The following LIPC variants were observed in gnomAD, a reference collection of about 807,000 sequenced individuals.
LIPC encodes hepatic triacylglycerol lipase.
In LIPC, 44 loss-of-function variants were observed where a neutral mutation model predicts 50.7. That is an observed-to-expected ratio of 0.87 (90% CI 0.68 to 1.11). LIPC has a LOEUF of 1.11. Ranked by LOEUF, LIPC falls within the 50% of genes most tolerant of loss-of-function variation. The pLI is 0.00. For synonymous variants in LIPC, 271 were observed against 256.4 expected (o/e 1.06, Z -0.54); for missense variants, 697 against 648.2 (o/e 1.08, Z -0.82).
chr15:58,472,270 CAAAAAAAAAAAA>C lies in LIPC; in HGVS notation c.88+40162_88+40173del, dbSNP rs35901617. Among the ~76,000 whole-genome samples the C allele has an allele frequency of 3.9e-4, 34 of 87,652 alleles. 1 individual carries two copies. The highest frequency in any genetic ancestry group is 4.1e-4 in the South Asian group (1 of 2,440). 57.5% of individuals were successfully genotyped at this position (87,652 alleles called of 152,430 possible). A position where few individuals can be genotyped will look rare whatever the true frequency, so the allele number is the denominator to read the frequency against. On this transcript the variant is annotated intron_variant, in intron 1 of 8. Coordinates refer to ENST00000299022, the MANE Select transcript of LIPC (RefSeq NM_000236.3). ...TGGGCAACAGAGTGACATTTGGTCT[CAAAAAAAAAAAA>C]AAAAAAAAAAAGAAATCTTAGCAGG...
chr15:58,546,950 C>T (rs769265760), intron 5 of LIPC, among the ~76,000 whole-genome samples: 1 of 151,750 alleles, frequency 6.6e-6, no homozygotes, highest in Admixed American at 6.6e-5. Flanking sequence ...CCACCTCCCC[C>T]ACTCCAACAC....
intron 1 of LIPC, among the ~76,000 whole-genome samples, chr15:58,513,130 C>G: frequency 6.6e-6 from 1 of 152,130 alleles, no homozygotes; most frequent in Non-Finnish European, 1.5e-5. Flanking sequence ...CCCTAGGTTC[C>G]GCTCAGCACA....
intron 3 of LIPC, 88 bp downstream of exon 3, chr15:58,542,055 A>G: frequency 1.4e-6 from 2 of 1,411,744 alleles, no homozygotes; most frequent in South Asian, 2.5e-5. Flanking sequence ...CTCCAACAGC[A>G]GCCCAGGCAG....
chr15:58,535,053 T>A (rs1215241163), intron 1 of LIPC, among the ~76,000 whole-genome samples: 1 of 152,216 alleles, frequency 6.6e-6, no homozygotes, highest in African/African-American at 2.4e-5. Flanking sequence ...AGAGCCCCAC[T>A]TTCTTTAACA....
intron 1 of LIPC, among the ~76,000 whole-genome samples, chr15:58,446,477 T>C (rs568156964): frequency 1.3e-5 from 2 of 152,324 alleles, no homozygotes; most frequent in Admixed American, 6.5e-5. Context: ...TAGTTGTTGA[T>C]AGCGTTTTTC....
intron 1 of LIPC, among the ~76,000 whole-genome samples, chr15:58,513,710 C>T (rs1218086085): frequency 2.0e-5 from 3 of 152,180 alleles, no homozygotes; most frequent in African/African-American, 4.8e-5. Flanking sequence ...TGCCACACTG[C>T]CTCAAAGCAA....
Position 58,542,609 on chromosome 15 carries a change from G to A in LIPC, c.532G>A (p.Gly178Ser), listed in dbSNP as rs753168442. ...GGGTGCACACGTGTCAGGATTTGCC[G>A]GCAGTTCCATCGGTGGAACGCACAA... ...SLGAHVSGFAGSSIGGTHKIG... is the reference protein window; with the variant it reads ...SLGAHVSGFASSSIGGTHKIG... Residue 178 changes from glycine to serine, a missense_variant, in exon 4 of 9, where the codon GGC (glycine) becomes AGC (serine). Transcript: ENST00000299022. The A allele has an allele frequency of 2.8e-5, 45 of 1,613,596 alleles. No individual in the cohort carries two copies. The highest frequency in any genetic ancestry group is 6.6e-5 in the South Asian group (6 of 91,058).
At chr15:58,484,596 T>G (rs1453425079) in intron 1 of LIPC, among the ~76,000 whole-genome samples, 1 of 152,238 alleles carries the variant, frequency 6.6e-6, no homozygotes, top group African/African-American at 2.4e-5. Flanking sequence ...GTGGGGAAAC[T>G]GAGGCACAGA....
chr15:58,459,722 C>T (rs1894269008), intron 1 of LIPC, among the ~76,000 whole-genome samples: 1 of 152,242 alleles, frequency 6.6e-6, no homozygotes, highest in Non-Finnish European at 1.5e-5. Context: ...GTGGCTTCTG[C>T]AGCTGTCACA....
intron 1 of LIPC, 84 bp from the exon 2 acceptor site, chr15:58,538,249 T>C (rs960032271): frequency 4.5e-6 from 6 of 1,337,034 alleles, no homozygotes; most frequent in African/African-American, 1.4e-5. Flanking sequence ...TGGCTTGTGC[T>C]TGTAGAAGCA....
intron 1 of LIPC, among the ~76,000 whole-genome samples, chr15:58,507,403 T>C (rs1432252646): frequency 2.0e-5 from 3 of 152,194 alleles, no homozygotes; most frequent in African/African-American, 7.2e-5. Flanking sequence ...TAGCTCATTA[T>C]TAAACATGCA....
In LIPC at chr15:58,482,038, A is replaced by G. The variant is rs1205652701; in HGVS notation, c.88+49918A>G. Among the ~76,000 whole-genome samples, 4 of 152,218 alleles carry G rather than the reference A, an allele frequency of 2.6e-5. No individual in the cohort carries two copies. In the East Asian group the frequency reaches 7.7e-4, roughly 29 times the overall value. The stretch of plus-strand genomic sequence containing the variant: ...GAAGCAGGAGGAGACTTGTCACTAT[A>G]TTCGGTATTCTCATTCATATGGACT... On this transcript the variant is annotated intron_variant, in intron 1 of 8. Transcript: ENST00000299022.
chr15:58,458,122 A>G (rs1218621374), intron 1 of LIPC, among the ~76,000 whole-genome samples: 1 of 152,132 alleles, frequency 6.6e-6, no homozygotes, highest in Non-Finnish European at 1.5e-5. Context: ...TAAATACATA[A>G]GCACCTGTTT....
intron 1 of LIPC, among the ~76,000 whole-genome samples, chr15:58,493,397 CTCCATA>C (rs1169525520): frequency 6.6e-6 from 1 of 151,992 alleles, no homozygotes; most frequent in Non-Finnish European, 1.5e-5. Flanking sequence ...GAAATAAAGA[CTCCATA>C]TGTGCCTGGC....
intron 1 of LIPC, among the ~76,000 whole-genome samples, chr15:58,449,822 G>T (rs1378677628): frequency 1.3e-5 from 2 of 152,162 alleles, no homozygotes; most frequent in Non-Finnish European, 2.9e-5. Flanking sequence ...TTACAGACAG[G>T]TGTGAGCCAC....
In LIPC at chr15:58,569,693, C is replaced by G. The variant is rs1288037938; in HGVS notation, c.*866C>G. 1 of 152,358 alleles carries G rather than the reference C, an allele frequency of 6.6e-6. No homozygotes were observed. The highest frequency in any genetic ancestry group is 1.9e-4 in the East Asian group (1 of 5,212). 9.4% of individuals were successfully genotyped at this position (152,358 alleles called of 1,614,324 possible). A position where few individuals can be genotyped will look rare whatever the true frequency, so the allele number is the denominator to read the frequency against. ...CCTTATAGGGGATAAAGGATCAGAA[C>G]TCTCTGCCATGTGCGGATATGAGAA... On this transcript the variant is annotated 3_prime_UTR_variant, in exon 9 of 9. Transcript: ENST00000299022.
chr15:58,551,275 C>G (rs962563146), intron 6 of LIPC, among the ~76,000 whole-genome samples: 3 of 152,164 alleles, frequency 2.0e-5, no homozygotes, highest in Admixed American at 6.5e-5. Flanking sequence ...ATCAAGCCAC[C>G]CTGGGCATGG....
At chr15:58,552,725 C>T (rs1376278870) in intron 6 of LIPC, among the ~76,000 whole-genome samples, 5 of 152,246 alleles carry the variant, frequency 3.3e-5, no homozygotes, top group African/African-American at 9.6e-5. Flanking sequence ...GGAAGGTTTC[C>T]ACTGACTTCA....
intron 1 of LIPC, among the ~76,000 whole-genome samples, chr15:58,503,207 C>T (rs1595903006): frequency 6.6e-6 from 1 of 152,170 alleles, no homozygotes. Context: ...AGTTAACTTT[C>T]CCAGAGTCAC....
Sources: gnomAD v4.1 joint callset for allele counts (sites outside exome capture counted in the v4.1 genomes callset) on GRCh38, gnomAD v4.1.1 for gene constraint, MANE v1.5 for transcripts, NCBI Gene and HGNC (gene_info 2026-07-23, HGNC 2026-07-21) for gene names.